ROBO2: variants seen among roughly 807,000 people sequenced by gnomAD.
The protein encoded by ROBO2 is roundabout homolog 2.
In ROBO2, 53 loss-of-function variants were observed where a neutral mutation model predicts 160.8. The ratio of observed to expected loss-of-function variants is 0.33; its 90% CI spans 0.26 to 0.41. The LOEUF (loss-of-function observed/expected upper bound fraction) is 0.41. ROBO2 is among the 10% of genes least tolerant of loss of function. The probability of loss-of-function intolerance (pLI) is 1.00; values close to 1 mark genes in which losing one functional copy is unlikely to be tolerated. For missense variants in ROBO2, 1,577 were observed against 1,722.4 expected (o/e 0.92, Z 1.49); for synonymous variants, 664 against 611.7 (o/e 1.09, Z -1.26).
chr3:76,780,187 A>AGTTTTTTTTTTGATTGTTT (rs2062542549), intron 2 of ROBO2, among the ~76,000 whole-genome samples: 1 of 148,006 alleles, frequency 6.8e-6, no homozygotes. Flanking sequence ...GTGTGGAGAC[A>AGTTTTTTTTTTGATTGTTT]GTTTTTTTTT....
Position 75,952,173 on chromosome 3 carries a change from G to A in ROBO2, c.109+14571G>A, listed in dbSNP as rs182514880. The stretch of plus-strand genomic sequence containing the variant: ...CAATGCTGTCATGACATTGAGTTTT[G>A]TGGAAACAGTGAAGTTAATGTTCTT... On this transcript the variant is annotated intron_variant, in intron 2 of 26. Transcript: ENST00000487694. 7.2e-5 allele frequency among the ~76,000 whole-genome samples: 11 copies of A among 151,966 alleles called. No homozygotes were observed. In the East Asian group the frequency reaches 2.1e-3, roughly 30 times the overall value.
chr3:76,520,532 T>A, intron 2 of ROBO2, among the ~76,000 whole-genome samples: 1 of 152,132 alleles, frequency 6.6e-6, no homozygotes, highest in East Asian at 1.9e-4. Flanking sequence ...GTGCTTATAG[T>A]CACTGGATTT....
chr3:76,436,390 T>C (rs1264653115), intron 2 of ROBO2, among the ~76,000 whole-genome samples: 1 of 152,146 alleles, frequency 6.6e-6, no homozygotes, highest in Non-Finnish European at 1.5e-5. Flanking sequence ...CTTTTCCCTG[T>C]CATGCTCATC....
At chr3:76,252,372 G>A (rs17789273) in intron 2 of ROBO2, among the ~76,000 whole-genome samples, 3,625 of 152,138 alleles carry the variant, frequency 0.024, 58 homozygotes, top group South Asian at 0.065. Context: ...GTACTCAAAC[G>A]TATTTGATGC....
intron 2 of ROBO2, among the ~76,000 whole-genome samples, chr3:76,076,024 CTT>C (rs1354606863): frequency 6.6e-6 from 1 of 152,162 alleles, no homozygotes; most frequent in African/African-American, 2.4e-5. Context: ...TCAATGAAAA[CTT>C]TTCACAGAGC....
At chr3:76,408,976 CT>C (rs34932380) in intron 2 of ROBO2, among the ~76,000 whole-genome samples, 18,545 of 151,842 alleles carry the variant, frequency 0.12, 1,223 homozygotes, top group Non-Finnish European at 0.15. Context: ...TTATAATACA[CT>C]AGGGTGTAGA....
At chr3:76,129,492 T>A (rs2106657688) in intron 2 of ROBO2, among the ~76,000 whole-genome samples, 1 of 152,268 alleles carries the variant, frequency 6.6e-6, no homozygotes, top group Non-Finnish European at 1.5e-5. Context: ...TGCCTTTTAT[T>A]GTATAGTGCT....
chr3:77,241,233 A>C (rs555058385), intron 2 of ROBO2, among the ~76,000 whole-genome samples: 48 of 152,346 alleles, frequency 3.2e-4, no homozygotes, highest in African/African-American at 1.2e-3. Flanking sequence ...AAAATCTCAA[A>C]AGCTGCATGA....
chr3:76,305,811 T>C (rs2071316929), intron 2 of ROBO2, among the ~76,000 whole-genome samples: 1 of 151,604 alleles, frequency 6.6e-6, no homozygotes, highest in African/African-American at 2.4e-5. Flanking sequence ...ATAGTGTAGG[T>C]TGTGCTCTGG....
intron 2 of ROBO2, among the ~76,000 whole-genome samples, chr3:76,484,182 A>G (rs1035866767): frequency 2.0e-5 from 3 of 152,190 alleles, no homozygotes; most frequent in African/African-American, 7.2e-5. Context: ...TACGTCTGAC[A>G]TTAAAATAAA....
chr3:76,192,524 C>CA (rs1702058183), intron 2 of ROBO2, among the ~76,000 whole-genome samples: 8 of 130,080 alleles, frequency 6.2e-5, no homozygotes, highest in East Asian at 2.6e-4. Flanking sequence ...CAACACTCCA[C>CA]CACACACACA....
intron 2 of ROBO2, among the ~76,000 whole-genome samples, chr3:76,844,251 T>C (rs1396694829): frequency 6.6e-6 from 1 of 151,996 alleles, no homozygotes; most frequent in African/African-American, 2.4e-5. Flanking sequence ...GAATACTCTA[T>C]TGGGAATAAA....
chr3:76,498,947 A>G lies in ROBO2; in HGVS notation c.109+561345A>G, dbSNP rs541134974. The stretch of plus-strand genomic sequence containing the variant: ...CATGATCCACCCTCCTCAGCCTCCC[A>G]AAGTGCTGGGATTACAGGCCTGAGC... On this transcript the variant is annotated intron_variant, in intron 2 of 26. Coordinates refer to the ROBO2 transcript ENST00000487694. Among the ~76,000 whole-genome samples the G allele has an allele frequency of 2.0e-5, 3 of 152,174 alleles. No individual in the cohort carries two copies. The South Asian group carries it at 6.2e-4, about 32-fold the overall frequency.
chr3:77,060,437 T>C (rs2066182416), intron 1 of ROBO2, among the ~76,000 whole-genome samples: 1 of 152,216 alleles, frequency 6.6e-6, no homozygotes, highest in Admixed American at 6.5e-5. Context: ...ATTTCATTGA[T>C]ATTTACCTAA....
chr3:77,098,295 T>A (rs772266460), exon 2 of ROBO2: 1 of 1,614,236 alleles, frequency 6.2e-7, no homozygotes, highest in Non-Finnish European at 8.5e-7. Flanking sequence ...TGCGAGGAAC[T>A]ATCTTGGTGA....
At chr3:76,408,229 T>C (rs2075312071) in intron 2 of ROBO2, among the ~76,000 whole-genome samples, 2 of 152,112 alleles carry the variant, frequency 1.3e-5, no homozygotes, top group South Asian at 4.1e-4. Flanking sequence ...TTGATAAGCT[T>C]CCTGTGGATA....
intron 2 of ROBO2, among the ~76,000 whole-genome samples, chr3:76,661,786 C>A (rs1393897299): frequency 6.6e-6 from 1 of 152,104 alleles, no homozygotes; most frequent in African/African-American, 2.4e-5. Flanking sequence ...CTTCTTATCA[C>A]CTTAAAAGGT....
chr3:76,846,713 T>C (rs1314150008), intron 2 of ROBO2, among the ~76,000 whole-genome samples: 1 of 152,152 alleles, frequency 6.6e-6, no homozygotes, highest in African/African-American at 2.4e-5. Flanking sequence ...TCACAAACTA[T>C]TTAGTTTCTT....
chr3:76,890,281 A>G (rs1449847854), intron 2 of ROBO2, among the ~76,000 whole-genome samples: 2 of 152,180 alleles, frequency 1.3e-5, no homozygotes, highest in African/African-American at 4.8e-5. Flanking sequence ...TTTACTGAGA[A>G]TAGGAAATTG....
Sources: gnomAD v4.1 joint callset for allele counts (sites outside exome capture counted in the v4.1 genomes callset) on GRCh38, gnomAD v4.1.1 for gene constraint, MANE v1.5 for transcripts, NCBI Gene and HGNC (gene_info 2026-07-23, HGNC 2026-07-21) for gene names.